Variants in FGF12 observed in about 807,000 individuals in gnomAD.
FGF12 encodes the protein fibroblast growth factor 12B.
Under a neutral mutation model 23.6 loss-of-function variants are expected in FGF12, and 14 were observed. The ratio of observed to expected loss-of-function variants is 0.59; its 90% CI spans 0.39 to 0.93. The LOEUF is 0.93. Among genes scored for constraint, FGF12 ranks in the 40% least tolerant of loss-of-function variants. The pLI, the probability that FGF12 is intolerant of heterozygous loss-of-function variation, is 0.00. For synonymous variants in FGF12, 62 were observed against 77.3 expected, an observed-to-expected ratio of 0.80 and a Z score of 1.04; for missense variants, 175 against 217.8, an observed-to-expected ratio of 0.80 and a Z score of 1.24.
At chr3:192,158,358 CTTTCTTTCT>C (rs1370932503) in intron 5 of FGF12, among the ~76,000 whole-genome samples, 2 of 110,932 alleles carry the variant, frequency 1.8e-5, no homozygotes, top group African/African-American at 7.7e-5. Flanking sequence ...TTCTTTCTTT[CTTTCTTTCT>C]TTCTTTCTTT....
At chr3:192,314,375 T>C (rs907865252) in intron 4 of FGF12, among the ~76,000 whole-genome samples, 2 of 152,224 alleles carry the variant, frequency 1.3e-5, no homozygotes, top group Non-Finnish European at 2.9e-5. Flanking sequence ...GATGTAGTTT[T>C]ATCCAAGGAT....
intron 2 of FGF12, among the ~76,000 whole-genome samples, chr3:192,566,465 A>T (rs1712294350): frequency 1.3e-5 from 2 of 152,202 alleles, no homozygotes; most frequent in Non-Finnish European, 2.9e-5. Context: ...AATGAAAGAG[A>T]TATTGGAGAA....
intron 2 of FGF12, among the ~76,000 whole-genome samples, chr3:192,485,056 A>G (rs1363819943): frequency 3.1e-5 from 4 of 127,372 alleles, no homozygotes; most frequent in Non-Finnish European, 5.9e-5. Flanking sequence ...TTTAAATTTT[A>G]TATGTGTACA....
intron 2 of FGF12, among the ~76,000 whole-genome samples, chr3:192,597,638 A>G (rs1351743747): frequency 6.6e-6 from 1 of 152,230 alleles, no homozygotes; most frequent in Admixed American, 6.5e-5. Context: ...AAATGGAAAG[A>G]GTGGCTGTGT....
intron 4 of FGF12, among the ~76,000 whole-genome samples, chr3:192,232,758 T>G (rs1305041774): frequency 6.6e-6 from 1 of 152,116 alleles, no homozygotes; most frequent in Non-Finnish European, 1.5e-5. Flanking sequence ...TGTATCCATA[T>G]GTACTCAATG....
intron 2 of FGF12, among the ~76,000 whole-genome samples, chr3:192,668,156 A>G (rs1010165180): frequency 1.3e-5 from 2 of 152,114 alleles, no homozygotes; most frequent in African/African-American, 4.8e-5. Flanking sequence ...CAAAAATTCC[A>G]TCTTCCACTC....
chr3:192,243,986 A>AT (rs1248089925), intron 4 of FGF12, among the ~76,000 whole-genome samples: 1 of 152,130 alleles, frequency 6.6e-6, no homozygotes, highest in Non-Finnish European at 1.5e-5. Flanking sequence ...CTAAAACCAC[A>AT]TATCATAAAT....
In FGF12 at chr3:192,505,695, G is replaced by A. The variant is rs575422310; in HGVS notation, c.14-145157C>T. 1.2e-3 allele frequency among the ~76,000 whole-genome samples: 189 copies of A among 152,270 alleles called. 1 individual carries two copies. The highest frequency in any genetic ancestry group is 4.3e-3 in the African/African-American group (179 of 41,562). On this transcript the variant is annotated intron_variant, in intron 2 of 5. Coordinates refer to ENST00000445105, the MANE Select transcript of FGF12 (RefSeq NM_004113.6). ...AAAAATTTAAATAATATAAACACAT[G>A]TAAAGTAAAAAGCTAGTCTTCCTTT...
At chr3:192,663,641 A>G (rs1306162659) in intron 2 of FGF12, among the ~76,000 whole-genome samples, 3 of 152,158 alleles carry the variant, frequency 2.0e-5, no homozygotes, top group Non-Finnish European at 4.4e-5. Flanking sequence ...TAAAAGTCAA[A>G]TTATTATTAT....
At chr3:192,410,123 G>T (rs748971733) in intron 2 of FGF12, among the ~76,000 whole-genome samples, 8 of 152,142 alleles carry the variant, frequency 5.3e-5, no homozygotes, top group Non-Finnish European at 1.0e-4. Context: ...CGCACGGCCC[G>T]CCGACCCACG....
intron 2 of FGF12, among the ~76,000 whole-genome samples, chr3:192,642,905 C>G (rs1715860521): frequency 6.6e-6 from 1 of 152,220 alleles, no homozygotes; most frequent in South Asian, 2.1e-4. Context: ...CCCAATCCAT[C>G]TGGAGTCCTA....
chr3:192,464,236 A>T (rs1722942815), intron 2 of FGF12, among the ~76,000 whole-genome samples: 1 of 151,886 alleles, frequency 6.6e-6, no homozygotes, highest in Non-Finnish European at 1.5e-5. Context: ...TGCACCCATC[A>T]CCCAAGCGGT....
intron 4 of FGF12, among the ~76,000 whole-genome samples, chr3:192,191,314 G>C (rs184647856): frequency 1.7e-3 from 265 of 152,238 alleles, no homozygotes; most frequent in Non-Finnish European, 2.8e-3. Context: ...TGTCATTATA[G>C]ATTTGTCCAC....
intron 4 of FGF12, among the ~76,000 whole-genome samples, chr3:192,297,221 C>T (rs532923146): frequency 2.2e-4 from 34 of 152,206 alleles, no homozygotes; most frequent in Admixed American, 6.5e-4. Context: ...CAAACAAGAC[C>T]GATTCATTCA....
At chr3:192,397,565 A>C (rs1160001409) in intron 2 of FGF12, among the ~76,000 whole-genome samples, 1 of 152,228 alleles carries the variant, frequency 6.6e-6, no homozygotes, top group Non-Finnish European at 1.5e-5. Context: ...CTCGCTCCTC[A>C]GTGAGAAACT....
intron 2 of FGF12, among the ~76,000 whole-genome samples, chr3:192,623,498 G>A (rs1240667273): frequency 6.6e-6 from 1 of 152,114 alleles, no homozygotes; most frequent in Non-Finnish European, 1.5e-5. Flanking sequence ...TAAAAATTGC[G>A]ATTGCTCTTT....
Position 192,412,483 on chromosome 3 carries a change from G to T in FGF12, c.14-51945C>A, listed in dbSNP as rs571263233. ...GCTTTCTGGGAGCAACATTCTTTCT[G>T]TGTTTAGATCTCTATTAAAAGAATG... On this transcript the variant is annotated intron_variant, in intron 2 of 5. Transcript: ENST00000445105. Among the ~76,000 whole-genome samples the T allele has an allele frequency of 1.1e-3, 169 of 152,312 alleles. 4 individuals are homozygous for T. Among genetic ancestry groups the T allele is most frequent in the African/African-American group, 4.0e-3 (167 of 41,568 alleles).
rs1297301927 is a variant in FGF12 at position 192,338,412 on chromosome 3, C to T, written c.125-2948G>A. 3.9e-5 allele frequency among the ~76,000 whole-genome samples: 6 copies of T among 152,180 alleles called. No homozygotes were observed. In the East Asian group the frequency reaches 9.6e-4, roughly 24 times the overall value. On this transcript the variant is annotated intron_variant, in intron 3 of 5. Transcript: ENST00000445105. ...TGCAAATAAATAGATTATTCAGCTA[C>T]ACCTTCTAACATATCCTGCAACCAG...
At chr3:192,650,236 C>T (rs1380244397) in intron 2 of FGF12, among the ~76,000 whole-genome samples, 1 of 152,206 alleles carries the variant, frequency 6.6e-6, no homozygotes, top group Admixed American at 6.5e-5. Flanking sequence ...CCTTCAAAGG[C>T]CTTCCAGGAA....
Sources: allele counts gnomAD v4.1 joint callset (sites outside exome capture counted in the v4.1 genomes callset), GRCh38; gene constraint gnomAD v4.1.1; transcripts MANE v1.5; gene names NCBI Gene and HGNC (gene_info 2026-07-23, HGNC 2026-07-21).